NLRP12: variants seen among roughly 807,000 people sequenced by gnomAD.
NLRP12 encodes NACHT, LRR and PYD domains-containing protein 12.
In NLRP12, 108 loss-of-function variants were observed where a neutral mutation model predicts 91.2. The observed-to-expected ratio is 1.18, with a 90% CI of 1.01 to 1.39. The LOEUF is 1.39. Among genes scored for constraint, NLRP12 ranks in the 40% most tolerant of loss-of-function variants. The probability of loss-of-function intolerance (pLI) is 0.00; values close to 1 mark genes in which losing one functional copy is unlikely to be tolerated. For synonymous variants in NLRP12, 613 were observed against 566.7 expected, an observed-to-expected ratio of 1.08 and a Z score of -1.16; for missense variants, 1,530 against 1,352.7, an observed-to-expected ratio of 1.13 and a Z score of -2.06.
chr19:53,819,601 A>ACACG (rs1568696397), intron 1 of NLRP12, among the ~76,000 whole-genome samples: 1 of 44,392 alleles, frequency 2.3e-5, no homozygotes, highest in African/African-American at 9.3e-5. Context: ...GTATATACGC[A>ACACG]TATATATGTA....
In NLRP12 at chr19:53,810,550, C is replaced by T. The variant is rs764966959; in HGVS notation, c.1109G>A (p.Arg370Lys). Residue 370 changes from arginine to lysine, a missense_variant, in exon 3 of 10, where the codon AGG (arginine) becomes AAG (lysine). Physicochemically the swap from Arg to Lys is conservative, Grantham distance 26. Coordinates refer to ENST00000324134, the MANE Select transcript of NLRP12 (RefSeq NM_144687.4). ...GAAATACTTGTAGAAGTATTCCTTC[C>T]TTTCTGCCTCAGAGAAGCCCAGGAT... ...VEILGFSEAE[R>K]KEYFYKYFHN... 65 of 1,613,912 alleles carry T rather than the reference C, an allele frequency of 4.0e-5. No homozygotes were observed. The highest frequency in any genetic ancestry group is 2.2e-4 in the South Asian group (20 of 91,082).
In NLRP12 at chr19:53,798,421, GAC is replaced by G; in HGVS notation, c.2757-10_2757-9del. The G allele has an allele frequency of 6.2e-7, 1 of 1,613,556 alleles. No individual in the cohort carries two copies. The highest frequency in any genetic ancestry group is 8.5e-7 in the Non-Finnish European group (1 of 1,179,790). On this transcript the variant is annotated splice_polypyrimidine_tract_variant and intron_variant, in intron 7 of 9. Coordinates refer to ENST00000324134, the MANE Select transcript of NLRP12 (RefSeq NM_144687.4). Reference sequence around the variant, plus strand: ...AGCCGGCAGATGCCCAACCTGCAAAGACAGGATGCTAGGGCGGAGTGGGAGGC... The same window carrying G: ...AGCCGGCAGATGCCCAACCTGCAAAGAGGATGCTAGGGCGGAGTGGGAGGC...
At chr19:53,823,462 A>AAT (rs1555799977) in intron 1 of NLRP12, among the ~76,000 whole-genome samples, 3 of 103,058 alleles carry the variant, frequency 2.9e-5, no homozygotes, top group Non-Finnish European at 5.7e-5. Flanking sequence ...ATATATTTTA[A>AAT]ATATATATTT....
intron 1 of NLRP12, among the ~76,000 whole-genome samples, chr19:53,819,143 T>G (rs1300091220): frequency 6.6e-6 from 1 of 152,102 alleles, no homozygotes; most frequent in Non-Finnish European, 1.5e-5. Context: ...TTACTTTTGA[T>G]TCTATATTTG....
intron 1 of NLRP12, among the ~76,000 whole-genome samples, chr19:53,823,211 ATATT>A (rs897596257): frequency 1.0e-4 from 15 of 143,590 alleles, no homozygotes; most frequent in Admixed American, 6.7e-4. Flanking sequence ...TGTATTTTAA[ATATT>A]TATTTTAATA....
At chr19:53,809,079 A>G (rs990000769) in intron 3 of NLRP12, among the ~76,000 whole-genome samples, 1 of 152,006 alleles carries the variant, frequency 6.6e-6, no homozygotes, top group Non-Finnish European at 1.5e-5. Flanking sequence ...TACAAAAATT[A>G]TCCTGGCATG....
Position 53,810,622 on chromosome 19 carries a change from GC to G in NLRP12, c.1036del (p.Ala346LeufsTer46), listed in dbSNP as rs1568681058. ...CAGCAGACGGTGGAGCTTCTCCAAA[GC>G]CGTGGGCCGTGTGGTGATGAGCAAA... ...LSLLITTRPT[A>X]LEKLHRLLEH... On this transcript the variant is annotated frameshift_variant, in exon 3 of 10. Coordinates refer to ENST00000324134, the MANE Select transcript of NLRP12 (RefSeq NM_144687.4). LOFTEE classifies it high-confidence loss of function. 1 of 1,614,082 alleles carries G rather than the reference GC, an allele frequency of 6.2e-7. No homozygotes were observed. The highest frequency in any genetic ancestry group is 8.5e-7 in the Non-Finnish European group (1 of 1,180,026).
At chr19:53,803,504 C>T (rs375180748) in intron 6 of NLRP12, among the ~76,000 whole-genome samples, 7 of 151,296 alleles carry the variant, frequency 4.6e-5, no homozygotes, top group South Asian at 4.2e-4. Flanking sequence ...TTTCATCTTC[C>T]GAAATGGAAC....
At chr19:53,822,924 C>G (rs932002581) in intron 1 of NLRP12, among the ~76,000 whole-genome samples, 1 of 151,614 alleles carries the variant, frequency 6.6e-6, no homozygotes, top group Non-Finnish European at 1.5e-5. Flanking sequence ...TGTGCCACCA[C>G]GCCTGGCTAA....
chr19:53,823,967 A>C lies in NLRP12; in HGVS notation c.208T>G (p.Trp70Gly), dbSNP rs367549186. The C allele has an allele frequency of 6.2e-7, 1 of 1,614,128 alleles. No homozygotes were observed. Among genetic ancestry groups the C allele is most frequent in the Non-Finnish European group, 8.5e-7 (1 of 1,180,042 alleles). Residue 70 changes from tryptophan (W) to glycine (G), a missense_variant, in exon 1 of 10, where the codon TGG becomes GGG. Transcript: ENST00000324134. Reference protein sequence around the residue: ...LITHFGPEEAWRLALSTFERI... With the variant: ...LITHFGPEEAGRLALSTFERI... ...TCAAAGGTGCTGAGAGCCAACCTCC[A>C]GGCCTCCTCTGGCCCGAAGTGGGTG...
intron 4 of NLRP12, chr19:53,805,700 T>A: frequency 2.0e-6 from 1 of 511,244 alleles, no homozygotes; most frequent in Non-Finnish European, 3.7e-6. Context: ...GTATTTTTAG[T>A]AGAGATGGGG....
rs774065257 is a variant in NLRP12, at chr19:53,809,920, C to T, written c.1739G>A (p.Cys580Tyr). Reference sequence around the variant, plus strand: ...CTTGATGTGCGGCGAGACCTTCCAGCAGAGACTCTTCTCCAGGTGGCTCCT... The same window carrying T: ...CTTGATGTGCGGCGAGACCTTCCAGTAGAGACTCTTCTCCAGGTGGCTCCT... ...ETRSHLEKSL[C>Y]WKVSPHIKMD... Residue 580 changes from cysteine to tyrosine, a missense_variant, in exon 3 of 10, where the codon TGC becomes TAC. Coordinates refer to ENST00000324134, the MANE Select transcript of NLRP12 (RefSeq NM_144687.4). 1.9e-6 allele frequency: 3 copies of T among 1,613,976 alleles called. No individual in the cohort carries two copies. In the African/African-American group the frequency reaches 4.0e-5, roughly 22 times the overall value.
At chr19:53,802,706 C>CAA (rs531832866) in intron 6 of NLRP12, among the ~76,000 whole-genome samples, 132 of 129,378 alleles carry the variant, frequency 1.0e-3, no homozygotes, top group African/African-American at 3.0e-3. Flanking sequence ...GACTCTGTCT[C>CAA]AAAAAAAAAA....
At chr19:53,799,027 T>G (rs1224078335) in intron 7 of NLRP12, among the ~76,000 whole-genome samples, 1 of 149,622 alleles carries the variant, frequency 6.7e-6, no homozygotes, top group Non-Finnish European at 1.5e-5. Flanking sequence ...TTTTTTTTTT[T>G]TTTGAGACAG....
chr19:53,812,499 C>CA (rs1244139417), intron 2 of NLRP12, among the ~76,000 whole-genome samples: 1 of 151,574 alleles, frequency 6.6e-6, no homozygotes, highest in Non-Finnish European at 1.5e-5. Flanking sequence ...GGCAACGGGA[C>CA]AAGTGGGTTG....
Position 53,801,382 on chromosome 19 carries a change from G to T in NLRP12, c.2601C>A (p.Arg867=), listed in dbSNP as rs781331282. The T allele has an allele frequency of 3.7e-6, 6 of 1,613,934 alleles. No homozygotes were observed. Among genetic ancestry groups the T allele is most frequent in the Non-Finnish European group, 5.1e-6 (6 of 1,179,994 alleles). The change falls in exon 7 of 10, where the codon CGC becomes CGA. Residue 867 remains arginine, a synonymous_variant. Coordinates refer to ENST00000324134, the MANE Select transcript of NLRP12 (RefSeq NM_144687.4). ...GCTCGTCACAGGCAGCAGCAGTGAGGCGGCAGATCTTCAGCCTGCACAAAG... is the reference window on the plus strand; with the variant it reads ...GCTCGTCACAGGCAGCAGCAGTGAGTCGGCAGATCTTCAGCCTGCACAAAG... The part of the protein sequence containing the change: ...RLRTLWLKIC[R]LTAAACDELA...
At chr19:53,812,825 T>C (rs1431441933) in intron 2 of NLRP12, among the ~76,000 whole-genome samples, 1 of 151,870 alleles carries the variant, frequency 6.6e-6, no homozygotes, top group Non-Finnish European at 1.5e-5. Context: ...TTAACCACTT[T>C]AAAGCGTACA....
chr19:53,801,288 G>C lies in NLRP12; in HGVS notation c.2695C>G (p.Leu899Val). Residue 899 changes from leucine to valine, a missense_variant, in exon 7 of 10, where the codon CTC (leucine) becomes GTC (valine). Leu to Val is a conservative substitution (Grantham distance 32, BLOSUM62 1). Coordinates refer to ENST00000324134, the MANE Select transcript of NLRP12 (RefSeq NM_144687.4). Reference sequence around the variant, plus strand: ...CCCTCACACAGCAGCAGCACCCCGAGGTCCCCCAGCTCATTCAGGCTCAGG... The same window carrying C: ...CCCTCACACAGCAGCAGCACCCCGACGTCCCCCAGCTCATTCAGGCTCAGG... ...LDLSLNELGD[L>V]GVLLLCEGLR... 6.2e-7 allele frequency: 1 copy of C among 1,613,806 alleles called. No individual in the cohort carries two copies. Among genetic ancestry groups the C allele is most frequent in the Admixed American group, 1.7e-5 (1 of 59,918 alleles).
At chr19:53,812,412 C>CAAAA (rs59986011) in intron 2 of NLRP12, among the ~76,000 whole-genome samples, 1 of 118,532 alleles carries the variant, frequency 8.4e-6, no homozygotes, top group African/African-American at 3.1e-5. Flanking sequence ...GACTCTGCCT[C>CAAAA]AAAAAAAAAA....
Sources: allele counts gnomAD v4.1 joint callset (sites outside exome capture counted in the v4.1 genomes callset), GRCh38; gene constraint gnomAD v4.1.1; transcripts MANE v1.5; gene names NCBI Gene and HGNC (gene_info 2026-07-23, HGNC 2026-07-21).